Variants in ANKFN1 observed in about 807,000 individuals in gnomAD.
ANKFN1 encodes ankyrin repeat and fibronectin type-III domain-containing protein 1.
In ANKFN1, 74 loss-of-function variants were observed where a neutral mutation model predicts 108.7. The ratio of observed to expected loss-of-function variants is 0.68; its 90% CI spans 0.56 to 0.83. ANKFN1 has a LOEUF of 0.83. Ranked by LOEUF, ANKFN1 falls within the 40% of genes least tolerant of loss-of-function variation. The pLI, the probability that ANKFN1 is intolerant of heterozygous loss-of-function variation, is 0.00. For synonymous variants in ANKFN1, 547 were observed against 516.2 expected (o/e 1.06, Z -0.81); for missense variants, 1,505 against 1,382.3 (o/e 1.09, Z -1.41).
intron 1 of ANKFN1, among the ~76,000 whole-genome samples, chr17:56,178,279 T>A (rs1160226379): frequency 1.3e-5 from 2 of 152,220 alleles, no homozygotes; most frequent in Non-Finnish European, 2.9e-5. Context: ...TCATAAGAAC[T>A]GCTTCAAAAA....
Position 56,456,925 on chromosome 17 carries a change from C to T in ANKFN1, c.1272C>T (p.Phe424=). The change falls in exon 12 of 21, where the codon TTC becomes TTT. Residue 424 remains phenylalanine, a synonymous_variant. Coordinates refer to ENST00000682825, the MANE Select transcript of ANKFN1 (RefSeq NM_001370326.1). ...TCTCAAGAAGCCTGAAACACCTGTTCCATTCCTCGAACAAGTTTGTGAAGA... is the reference window on the plus strand; with the variant it reads ...TCTCAAGAAGCCTGAAACACCTGTTTCATTCCTCGAACAAGTTTGTGAAGA... The part of the protein sequence containing the change: ...QSVSRSLKHL[F]HSSNKFVKTL... 1 of 1,614,058 alleles carries T rather than the reference C, an allele frequency of 6.2e-7. No individual in the cohort carries two copies. Among genetic ancestry groups the T allele is most frequent in the Middle Eastern group, 1.6e-4 (1 of 6,062 alleles).
intron 4 of ANKFN1, among the ~76,000 whole-genome samples, chr17:56,346,673 G>T (rs1482852833): frequency 6.6e-6 from 1 of 151,784 alleles, no homozygotes; most frequent in Non-Finnish European, 1.5e-5. Context: ...GGTTCTCTTT[G>T]CTGTTATGGA....
intron 3 of ANKFN1, among the ~76,000 whole-genome samples, chr17:56,305,804 A>G (rs1282107395): frequency 6.6e-6 from 1 of 152,220 alleles, no homozygotes; most frequent in African/African-American, 2.4e-5. Flanking sequence ...TCCATCTTGA[A>G]TTAAATTTCA....
At chr17:56,480,422 T>C (rs1349306835) in intron 16 of ANKFN1, among the ~76,000 whole-genome samples, 2 of 152,182 alleles carry the variant, frequency 1.3e-5, no homozygotes, top group Non-Finnish European at 2.9e-5. Flanking sequence ...TCTCAAAAAC[T>C]GATTCATACA....
At chr17:56,164,655 T>A (rs1202663827) in intron 1 of ANKFN1, among the ~76,000 whole-genome samples, 2 of 152,224 alleles carry the variant, frequency 1.3e-5, no homozygotes, top group Non-Finnish European at 2.9e-5. Flanking sequence ...AAAGTCTTTT[T>A]AACACAGTCA....
intron 18 of ANKFN1, among the ~76,000 whole-genome samples, chr17:56,482,893 T>G (rs1053785218): frequency 6.6e-6 from 1 of 151,836 alleles, no homozygotes; most frequent in Non-Finnish European, 1.5e-5. Flanking sequence ...TCCCCTTCCC[T>G]CTCTCTCCCC....
intron 4 of ANKFN1, among the ~76,000 whole-genome samples, chr17:56,061,265 CTTTTTTTTTT>C (rs71137190): frequency 2.7e-5 from 2 of 72,916 alleles, no homozygotes; most frequent in Admixed American, 4.6e-4. Flanking sequence ...GGTAGTTTTT[CTTTTTTTTTT>C]TTTTTTTTTT....
At chr17:56,314,321 A>G (rs938107426) in intron 3 of ANKFN1, among the ~76,000 whole-genome samples, 2 of 152,118 alleles carry the variant, frequency 1.3e-5, no homozygotes, top group Admixed American at 1.3e-4. Context: ...AAGGTATATT[A>G]TATTTAACTT....
chr17:56,189,997 C>CAAAA (rs59587527), intron 1 of ANKFN1, among the ~76,000 whole-genome samples: 1 of 143,256 alleles, frequency 7.0e-6, no homozygotes, highest in Admixed American at 6.9e-5. Context: ...CATCCATGTG[C>CAAAA]AAAAAAAAAA....
At chr17:56,162,862 C>A (rs1909788920) in intron 1 of ANKFN1, among the ~76,000 whole-genome samples, 1 of 151,872 alleles carries the variant, frequency 6.6e-6, no homozygotes, top group Non-Finnish European at 1.5e-5. Context: ...ATGGTGAAAC[C>A]CTGTCTCTAC....
chr17:56,376,909 G>A (rs533044777), intron 8 of ANKFN1, among the ~76,000 whole-genome samples: 63 of 152,326 alleles, frequency 4.1e-4, no homozygotes, highest in African/African-American at 1.3e-3. Context: ...GCAGCCTACT[G>A]TATCCGCAGG....
At chr17:56,376,383 A>G (rs116799771) in intron 8 of ANKFN1, among the ~76,000 whole-genome samples, 1,528 of 152,326 alleles carry the variant, frequency 0.01, 23 homozygotes, top group African/African-American at 0.035. Context: ...GACAGCAGAT[A>G]AATGAAACCA....
intron 3 of ANKFN1, among the ~76,000 whole-genome samples, chr17:56,278,383 T>C (rs1340898188): frequency 6.6e-6 from 1 of 152,228 alleles, no homozygotes; most frequent in Non-Finnish European, 1.5e-5. Flanking sequence ...ATTAAGTACA[T>C]GTTTATTCCA....
chr17:56,345,525 C>T (rs962979547), intron 4 of ANKFN1, among the ~76,000 whole-genome samples: 1 of 152,142 alleles, frequency 6.6e-6, no homozygotes, highest in South Asian at 2.1e-4. Flanking sequence ...TAAAAGCATT[C>T]CTGTTTCTCC....
chr17:56,281,421 C>A (rs2044079822), intron 3 of ANKFN1, among the ~76,000 whole-genome samples: 1 of 152,030 alleles, frequency 6.6e-6, no homozygotes, highest in Non-Finnish European at 1.5e-5. Context: ...GATCACAGAC[C>A]TAAATGTATA....
chr17:56,242,610 CA>C (rs1326385702), intron 3 of ANKFN1, among the ~76,000 whole-genome samples: 1 of 152,048 alleles, frequency 6.6e-6, no homozygotes, highest in Non-Finnish European at 1.5e-5. Flanking sequence ...ATATACTCTA[CA>C]AATAAGAATA....
At chr17:56,086,086 A>G (rs887324598) in intron 4 of ANKFN1, among the ~76,000 whole-genome samples, 1 of 151,182 alleles carries the variant, frequency 6.6e-6, no homozygotes, top group Non-Finnish European at 1.5e-5. Flanking sequence ...AAAATATAGA[A>G]TTTATGGTAG....
At chr17:56,505,172 G>T (rs1338213502) in intron 20 of ANKFN1, among the ~76,000 whole-genome samples, 1 of 152,170 alleles carries the variant, frequency 6.6e-6, no homozygotes, top group Non-Finnish European at 1.5e-5. Flanking sequence ...TATCAGCAAA[G>T]ATAAAGCAAA....
intron 3 of ANKFN1, among the ~76,000 whole-genome samples, chr17:56,324,282 A>G (rs894550078): frequency 8.5e-5 from 13 of 152,234 alleles, no homozygotes; most frequent in African/African-American, 3.1e-4. Flanking sequence ...TAAAGTATGT[A>G]GCACAATGAA....
Sources: gnomAD v4.1 joint callset for allele counts (sites outside exome capture counted in the v4.1 genomes callset) on GRCh38, gnomAD v4.1.1 for gene constraint, MANE v1.5 for transcripts, NCBI Gene and HGNC (gene_info 2026-07-23, HGNC 2026-07-21) for gene names.